Variants in SDK1 observed in about 807,000 individuals in gnomAD.
The protein encoded by SDK1 is protein sidekick-1.
In SDK1, 157 loss-of-function variants were observed where a neutral mutation model predicts 245.5. The observed-to-expected ratio is 0.64, with a 90% CI of 0.56 to 0.73. The LOEUF is 0.73. Ranked by LOEUF, SDK1 falls within the 30% of genes least tolerant of loss-of-function variation. The pLI, the probability that SDK1 is intolerant of heterozygous loss-of-function variation, is 0.00. For synonymous variants in SDK1, 1,647 were observed against 1,278.5 expected (o/e 1.29, Z -6.15); for missense variants, 3,583 against 3,002.3 (o/e 1.19, Z -4.52).
At chr7:3,723,939 T>TAGAGAG (rs1169297616) in intron 4 of SDK1, among the ~76,000 whole-genome samples, 1 of 116,712 alleles carries the variant, frequency 8.6e-6, no homozygotes, top group Non-Finnish European at 1.8e-5. Context: ...TATATATATA[T>TAGAGAG]ATATAGAGAG....
chr7:3,361,671 A>G (rs565960727), intron 1 of SDK1, among the ~76,000 whole-genome samples: 2 of 152,252 alleles, frequency 1.3e-5, no homozygotes, highest in East Asian at 3.9e-4. Context: ...TATGGCTGCC[A>G]CCTCTTTAGA....
At chr7:3,506,644 C>T (rs1433808140) in intron 1 of SDK1, among the ~76,000 whole-genome samples, 1 of 152,070 alleles carries the variant, frequency 6.6e-6, no homozygotes, top group African/African-American at 2.4e-5. Flanking sequence ...TACAGTCTTC[C>T]TCCCCCTGCT....
intron 2 of SDK1, among the ~76,000 whole-genome samples, chr7:3,634,830 G>C (rs1782404865): frequency 6.6e-6 from 1 of 152,170 alleles, no homozygotes; most frequent in Non-Finnish European, 1.5e-5. Context: ...CTCTATTTCT[G>C]CTTCTTGTTT....
chr7:3,597,218 G>C (rs1157290493), intron 1 of SDK1, among the ~76,000 whole-genome samples: 2 of 146,690 alleles, frequency 1.4e-5, no homozygotes, highest in Admixed American at 1.4e-4. Flanking sequence ...CTTGCAGTGA[G>C]CCCAGATCGC....
At position 3,489,993 on chromosome 7, in the gene SDK1, G is replaced by T. The variant is rs73671857; in HGVS notation, c.299-129087G>T. Among the ~76,000 whole-genome samples the T allele has an allele frequency of 1.5e-3, 221 of 151,940 alleles. 1 individual carries two copies. The highest frequency in any genetic ancestry group is 5.2e-3 in the African/African-American group (215 of 41,460). On this transcript the variant is annotated intron_variant, in intron 1 of 44. Transcript: ENST00000404826. ...TCAAGATGGGTTTTTTTTTCCCCTC[G>T]TGCTTACTGGTTATGTGTTTGCATT...
intron 4 of SDK1, among the ~76,000 whole-genome samples, chr7:3,787,230 C>A (rs887333636): frequency 6.6e-6 from 1 of 151,764 alleles, no homozygotes; most frequent in Non-Finnish European, 1.5e-5. Context: ...TGCCGTTAGT[C>A]TTTCTCCTTT....
intron 1 of SDK1, among the ~76,000 whole-genome samples, chr7:3,529,798 G>T (rs1290080783): frequency 6.6e-6 from 1 of 152,068 alleles, no homozygotes; most frequent in Non-Finnish European, 1.5e-5. Context: ...TCGAGGGGTG[G>T]GCTATGCTCA....
intron 9 of SDK1, among the ~76,000 whole-genome samples, chr7:3,964,412 G>C (rs149488828): frequency 1.8e-4 from 28 of 152,364 alleles, no homozygotes; most frequent in African/African-American, 6.5e-4. Flanking sequence ...GAATTGGAAA[G>C]ACTATTGAGT....
intron 1 of SDK1, among the ~76,000 whole-genome samples, chr7:3,556,186 A>G (rs1779582372): frequency 1.3e-5 from 2 of 151,742 alleles, no homozygotes; most frequent in South Asian, 2.1e-4. Context: ...CAGCAGATGA[A>G]TGGATAAAGA....
chr7:3,454,919 G>A (rs1411135874), intron 1 of SDK1, among the ~76,000 whole-genome samples: 1 of 152,138 alleles, frequency 6.6e-6, no homozygotes, highest in Admixed American at 6.5e-5. Flanking sequence ...CTATTTTCCA[G>A]AGTGACTGTA....
intron 1 of SDK1, among the ~76,000 whole-genome samples, chr7:3,414,725 C>T (rs551479954): frequency 2.0e-5 from 3 of 152,192 alleles, no homozygotes; most frequent in Non-Finnish European, 2.9e-5. Context: ...CAACCCTGCG[C>T]TCACTAGCAA....
intron 5 of SDK1, among the ~76,000 whole-genome samples, chr7:3,898,281 G>T (rs1363494541): frequency 6.6e-6 from 1 of 152,106 alleles, no homozygotes; most frequent in Non-Finnish European, 1.5e-5. Flanking sequence ...GCACAGTTGG[G>T]GTTTCCAACA....
intron 5 of SDK1, among the ~76,000 whole-genome samples, chr7:3,919,938 C>T (rs1285572331): frequency 6.6e-6 from 1 of 152,110 alleles, no homozygotes; most frequent in Non-Finnish European, 1.5e-5. Context: ...AGAGTAAGCA[C>T]CTGGGCTCTG....
intron 4 of SDK1, among the ~76,000 whole-genome samples, chr7:3,658,212 C>T (rs1022292023): frequency 1.3e-5 from 2 of 152,168 alleles, no homozygotes; most frequent in Non-Finnish European, 2.9e-5. Context: ...CTGTCATAGC[C>T]GTGAGGTGGA....
Position 3,969,371 on chromosome 7 carries a change from A to C in SDK1, c.1661A>C (p.Tyr554Ser). The change falls in exon 11 of 45, where the codon TAT becomes TCT. Residue 554 changes from tyrosine (Y) to serine (S), a missense_variant. Tyr to Ser is a moderately radical substitution (Grantham distance 144). Transcript: ENST00000404826. Reference sequence around the variant, plus strand: ...CAGGATGCCGGCAACTACACCTGCTATGCGGCCAACACAGAGGGCTCCCTG... The same window carrying C: ...CAGGATGCCGGCAACTACACCTGCTCTGCGGCCAACACAGAGGGCTCCCTG... ...FIQDAGNYTC[Y>S]AANTEGSLNA... is the part of the protein sequence containing the mutation. 6.2e-7 allele frequency: 1 copy of C among 1,611,412 alleles called. No individual in the cohort carries two copies. Among genetic ancestry groups the C allele is most frequent in the East Asian group, 2.2e-5 (1 of 44,800 alleles).
At chr7:4,005,033 C>T (rs1437603934) in intron 14 of SDK1, among the ~76,000 whole-genome samples, 1 of 146,468 alleles carries the variant, frequency 6.8e-6, no homozygotes, top group Non-Finnish European at 1.5e-5. Context: ...TAATTGGTTC[C>T]TGCACCTTTT....
chr7:3,541,858 C>T (rs1000568582), intron 1 of SDK1, among the ~76,000 whole-genome samples: 3 of 151,968 alleles, frequency 2.0e-5, no homozygotes, highest in Admixed American at 6.6e-5. Context: ...AGCTAAATGC[C>T]CTCTTATGTT....
At chr7:3,778,382 T>C (rs1780626299) in intron 4 of SDK1, among the ~76,000 whole-genome samples, 1 of 152,254 alleles carries the variant, frequency 6.6e-6, no homozygotes, top group Admixed American at 6.5e-5. Context: ...TTAAGTGTTT[T>C]GGCTTTGAAC....
intron 20 of SDK1, among the ~76,000 whole-genome samples, chr7:4,075,499 A>C (rs953357839): frequency 1.3e-5 from 2 of 152,168 alleles, no homozygotes. Flanking sequence ...AATAGGGAAG[A>C]GCAAGCGTTT....
Sources: gnomAD v4.1 joint callset for allele counts (sites outside exome capture counted in the v4.1 genomes callset) on GRCh38, gnomAD v4.1.1 for gene constraint, MANE v1.5 for transcripts, NCBI Gene and HGNC (gene_info 2026-07-23, HGNC 2026-07-21) for gene names.